The following PRRX2 variants were observed in gnomAD, a reference collection of about 807,000 sequenced individuals.
PRRX2 encodes paired mesoderm homeobox protein 2.
Under a neutral mutation model 18.0 loss-of-function variants are expected in PRRX2, and 11 were observed. The observed-to-expected ratio is 0.61, with a 90% CI of 0.39 to 1.01. PRRX2 has a LOEUF of 1.01. PRRX2 is among the 50% of genes least tolerant of loss of function. PRRX2 has a pLI of 0.01. For missense variants in PRRX2, 387 were observed against 351.0 expected (o/e 1.10, Z -0.82); for synonymous variants, 177 against 154.8 (o/e 1.14, Z -1.06).
intron 1 of PRRX2, among the ~76,000 whole-genome samples, chr9:129,679,172 ACCAGGGCTGTGTGT>A (rs953417728): frequency 1.8e-4 from 28 of 152,270 alleles, no homozygotes; most frequent in African/African-American, 6.5e-4. Flanking sequence ...GGGACCCAGG[ACCAGGGCTGTGTGT>A]CCCAAGTGCA....
Position 129,715,764 on chromosome 9 carries a change from A to T in PRRX2, c.260-3467A>T, listed in dbSNP as rs946239954. 7.5e-5 allele frequency among the ~76,000 whole-genome samples: 11 copies of T among 145,888 alleles called. No homozygotes were observed. In the South Asian group the frequency reaches 9.0e-4, roughly 12 times the overall value. ...GGACATCTTTCTCACACACACACAC[A>T]CACACACACACACACACACACACAC... is the stretch of plus-strand genomic sequence containing the variant. On this transcript the variant is annotated intron_variant, in intron 1 of 3. Coordinates refer to ENST00000372469, the MANE Select transcript of PRRX2 (RefSeq NM_016307.4). This position sits in a 1 kb window ranked among gnomAD's most constrained non-coding sequence, Gnocchi z 4.0.
chr9:129,715,331 C>T lies in PRRX2; in HGVS notation c.260-3900C>T, dbSNP rs370690090. ...TTTAGCAAGGCCAAGCATGGTGGCT[C>T]GTGCCTGTAATCCCAGTACTTTGGG... is the stretch of plus-strand genomic sequence containing the variant. On this transcript the variant is annotated intron_variant, in intron 1 of 3. Transcript: ENST00000372469. This position sits in a 1 kb window ranked among gnomAD's most constrained non-coding sequence, Gnocchi z 4.0. 7.6e-4 allele frequency among the ~76,000 whole-genome samples: 116 copies of T among 152,214 alleles called. No individual in the cohort carries two copies. Among genetic ancestry groups the T allele is most frequent in the African/African-American group, 2.7e-3 (112 of 41,524 alleles).
intron 1 of PRRX2, among the ~76,000 whole-genome samples, chr9:129,717,695 C>CAAAAAAAAAAAA (rs568330077): frequency 3.6e-5 from 3 of 82,508 alleles, no homozygotes; most frequent in Non-Finnish European, 2.6e-5. Context: ...GACTCCGCCT[C>CAAAAAAAAAAAA]AAAAAAAAAA....
rs988169193 is a variant in PRRX2, at chr9:129,719,356, C to G, written c.385C>G (p.Pro129Ala). The G allele has an allele frequency of 6.3e-6, 10 of 1,581,776 alleles. No homozygotes were observed. The highest frequency in any genetic ancestry group is 1.3e-5 in the African/African-American group (1 of 74,094). The change falls in exon 2 of 4, where the codon CCC (proline) becomes GCC (alanine). Residue 129 changes from proline (P) to alanine (A), a missense_variant. Transcript: ENST00000372469. ...LERVFERTHYPDAFVREELAR... is the reference protein window; with the variant it reads ...LERVFERTHYADAFVREELAR... ...GCGCGTGTTCGAGCGCACGCACTACCCCGACGCCTTTGTGCGCGAGGAGCT... is the reference window on the plus strand; with the variant it reads ...GCGCGTGTTCGAGCGCACGCACTACGCCGACGCCTTTGTGCGCGAGGAGCT...
At chr9:129,694,981 AAGGG>A (rs1226795820) in intron 1 of PRRX2, among the ~76,000 whole-genome samples, 2 of 152,178 alleles carry the variant, frequency 1.3e-5, no homozygotes, top group African/African-American at 4.8e-5. Flanking sequence ...TTCCAGATGA[AAGGG>A]CTCACCATGG....
At chr9:129,711,399 C>CTTTTTT (rs897807963) in intron 1 of PRRX2, among the ~76,000 whole-genome samples, 50 of 85,050 alleles carry the variant, frequency 5.9e-4, no homozygotes, top group Non-Finnish European at 8.2e-4. Context: ...GTGAGATTCT[C>CTTTTTT]TTTTTTTTTT....
chr9:129,696,975 G>A (rs1253435334), intron 1 of PRRX2, among the ~76,000 whole-genome samples: 1 of 152,220 alleles, frequency 6.6e-6, no homozygotes, highest in Non-Finnish European at 1.5e-5. Context: ...GTGTGACCTT[G>A]GGCGACTGAC....
rs11788217 is a variant in PRRX2 at position 129,695,477 on chromosome 9, T to C, written c.260-23754T>C. ...TACTTGACCAATGTGCTTCTTTGGT[T>C]TGGTTTTTATACACCCCACAGCCTT... On this transcript the variant is annotated intron_variant, in intron 1 of 3. Coordinates refer to ENST00000372469, the MANE Select transcript of PRRX2 (RefSeq NM_016307.4). This position sits in a 1 kb window ranked among gnomAD's most constrained non-coding sequence, Gnocchi z 4.8. Among the ~76,000 whole-genome samples, 19,448 of 152,212 alleles carry C rather than the reference T, an allele frequency of 0.13. 1,844 individuals are homozygous for C. Among genetic ancestry groups the C allele is most frequent in the African/African-American group, 0.25 (10,319 of 41,512 alleles).
intron 1 of PRRX2, among the ~76,000 whole-genome samples, chr9:129,690,390 C>T (rs954079221): frequency 3.3e-5 from 5 of 152,182 alleles, no homozygotes; most frequent in African/African-American, 1.2e-4. Flanking sequence ...GATCTGAACC[C>T]TGATCAAGGT....
intron 1 of PRRX2, among the ~76,000 whole-genome samples, chr9:129,707,724 G>T (rs1832574295): frequency 6.6e-6 from 1 of 151,526 alleles, no homozygotes; most frequent in African/African-American, 2.4e-5. Context: ...CCAGGAGGAG[G>T]AGGTTGCAGT....
At chr9:129,702,676 C>T (rs565888602) in intron 1 of PRRX2, among the ~76,000 whole-genome samples, 1 of 152,372 alleles carries the variant, frequency 6.6e-6, no homozygotes, top group East Asian at 1.9e-4. Context: ...CAGATGTCTG[C>T]TCTGAAGCTT....
rs772088334 is a variant in PRRX2 at position 129,719,214 on chromosome 9, C to T, written c.260-17C>T. 7 of 1,550,964 alleles carry T rather than the reference C, an allele frequency of 4.5e-6. No homozygotes were observed. Among genetic ancestry groups the T allele is most frequent in the South Asian group, 2.4e-5 (2 of 82,496 alleles). Reference sequence around the variant, plus strand: ...CTGGCCGTCCTGCTGACCATCCCGCCCCCCCAACCTCCGCAGGTGAGTGTC... The same window carrying T: ...CTGGCCGTCCTGCTGACCATCCCGCTCCCCCAACCTCCGCAGGTGAGTGTC... On this transcript the variant is annotated splice_polypyrimidine_tract_variant and intron_variant, in intron 1 of 3. Coordinates refer to ENST00000372469, the MANE Select transcript of PRRX2 (RefSeq NM_016307.4).
At chr9:129,700,981 G>A (rs1033747549) in intron 1 of PRRX2, among the ~76,000 whole-genome samples, 4 of 152,246 alleles carry the variant, frequency 2.6e-5, no homozygotes, top group African/African-American at 9.6e-5. Context: ...GGTTCCTTCT[G>A]GAGAGGAGAG....
rs897807963 is a variant in PRRX2 at position 129,711,399 on chromosome 9, CT to C, written c.260-7808del. On this transcript the variant is annotated intron_variant, in intron 1 of 3. Coordinates refer to ENST00000372469, the MANE Select transcript of PRRX2 (RefSeq NM_016307.4). ...ATTCCCATTTTTCAGGTGAGATTCT[CT>C]TTTTTTTTTTTTTTTTTTTTTTTGA... 2.3e-3 allele frequency among the ~76,000 whole-genome samples: 196 copies of C among 85,042 alleles called. 2 individuals are homozygous for C. Among genetic ancestry groups the C allele is most frequent in the African/African-American group, 6.2e-3 (126 of 20,164 alleles). The allele number at this position is 85,042 out of a possible 152,430, so 55.8% of individuals were successfully genotyped here.
intron 1 of PRRX2, among the ~76,000 whole-genome samples, chr9:129,705,865 C>T (rs1217370333): frequency 6.6e-6 from 1 of 151,460 alleles, no homozygotes; most frequent in Non-Finnish European, 1.5e-5. Flanking sequence ...CGCCTGAGGT[C>T]AGGAGTTCAA....
At chr9:129,696,536 G>T (rs988164178) in intron 1 of PRRX2, among the ~76,000 whole-genome samples, 4 of 152,092 alleles carry the variant, frequency 2.6e-5, no homozygotes, top group African/African-American at 9.7e-5. Context: ...AGATCGCGCC[G>T]CTGCACTCCA....
intron 1 of PRRX2, among the ~76,000 whole-genome samples, chr9:129,693,286 T>G (rs1832382922): frequency 6.6e-6 from 1 of 152,272 alleles, no homozygotes; most frequent in Middle Eastern, 3.4e-3. Context: ...TGGTAGATAG[T>G]CTTTTAAAAA....
intron 1 of PRRX2, among the ~76,000 whole-genome samples, chr9:129,701,521 C>G (rs866075085): frequency 6.6e-6 from 1 of 152,230 alleles, no homozygotes; most frequent in Non-Finnish European, 1.5e-5. Context: ...AGGTTGTCCA[C>G]TGCATAACTG....
At chr9:129,677,935 GGCT>G (rs1243733938) in intron 1 of PRRX2, among the ~76,000 whole-genome samples, 1 of 151,796 alleles carries the variant, frequency 6.6e-6, no homozygotes, top group Non-Finnish European at 1.5e-5. Context: ...TTAAGGCTGC[GGCT>G]GCTTTTTCTT....
Sources: gnomAD v4.1 joint callset for allele counts (sites outside exome capture counted in the v4.1 genomes callset) on GRCh38, gnomAD v4.1.1 for gene constraint, Gnocchi (gnomAD v3.1) non-coding constraint, MANE v1.5 for transcripts, NCBI Gene and HGNC (gene_info 2026-07-23, HGNC 2026-07-21) for gene names.